The following SUGP1 variants were observed in gnomAD, a reference collection of about 807,000 sequenced individuals.
SUGP1 encodes the protein SURP and G-patch domain-containing protein 1.
Under a neutral mutation model 76.5 loss-of-function variants are expected in SUGP1, and 34 were observed. That is an observed-to-expected ratio of 0.44 (90% CI 0.34 to 0.59). The LOEUF is 0.59. Ranked by LOEUF, SUGP1 falls within the 20% of genes least tolerant of loss-of-function variation. SUGP1 has a pLI of 0.01. For missense variants in SUGP1, 752 were observed against 851.7 expected (o/e 0.88, Z 1.46); for synonymous variants, 326 against 326.2 (o/e 1.00, Z 0.01).
intron 4 of SUGP1, 163 bp from the exon 5 acceptor site, chr19:19,304,010 G>C (rs1336285905): frequency 6.3e-7 from 1 of 1,590,290 alleles, no homozygotes; most frequent in Non-Finnish European, 8.5e-7. Flanking sequence ...CCATGACGAG[G>C]GGGGAGTCGG....
At chr19:19,292,519 T>C (rs2061193296) in intron 8 of SUGP1, among the ~76,000 whole-genome samples, 1 of 151,820 alleles carries the variant, frequency 6.6e-6, no homozygotes, top group African/African-American at 2.4e-5. Context: ...CTGGCCAACA[T>C]GGTGAAACCC....
chr19:19,305,176 C>A (rs570051128), intron 4 of SUGP1, among the ~76,000 whole-genome samples: 17 of 152,360 alleles, frequency 1.1e-4, no homozygotes, highest in African/African-American at 3.8e-4. Context: ...TGTCATGGCA[C>A]AACTCCACAG....
intron 3 of SUGP1, among the ~76,000 whole-genome samples, chr19:19,308,384 T>C (rs1394217383): frequency 2.0e-5 from 3 of 152,200 alleles, no homozygotes; most frequent in African/African-American, 7.2e-5. Flanking sequence ...TTATCAGACG[T>C]CTACCAAAGG....
intron 8 of SUGP1, among the ~76,000 whole-genome samples, chr19:19,288,374 CTTATT>C (rs1195128259): frequency 2.0e-5 from 3 of 152,108 alleles, no homozygotes; most frequent in South Asian, 2.1e-4. Context: ...TTTCTTCTAG[CTTATT>C]TTATTATAAG....
chr19:19,276,857 G>A, intron 13 of SUGP1, 90 bp downstream of exon 13: 1 of 1,578,870 alleles, frequency 6.3e-7, no homozygotes, highest in Non-Finnish European at 8.6e-7. Flanking sequence ...GACCCAGCCT[G>A]GCTGGACTGA....
At position 19,276,970 on chromosome 19, in the gene SUGP1, AG is replaced by A; in HGVS notation, c.1887del (p.Tyr630ThrfsTer8). 1 of 1,613,164 alleles carries A rather than the reference AG, an allele frequency of 6.2e-7. No individual in the cohort carries two copies. The highest frequency in any genetic ancestry group is 8.5e-7 in the Non-Finnish European group (1 of 1,180,020). On this transcript the variant is annotated frameshift_variant, in exon 13 of 14. Coordinates refer to ENST00000247001, the MANE Select transcript of SUGP1 (RefSeq NM_172231.4). LOFTEE classifies it high-confidence loss of function. ...YEAFRKRMML[A>X]YRFRPNPLNN... ...ACCAGGGGGTTGGGCCGGAAGCGGT[AG>A]GCCAGCATCATCCTCTTGCGGAACG...
chr19:19,286,906 G>C (rs1476509045), intron 8 of SUGP1, among the ~76,000 whole-genome samples: 1 of 151,870 alleles, frequency 6.6e-6, no homozygotes, highest in Non-Finnish European at 1.5e-5. Flanking sequence ...AGCTGGCCGT[G>C]GTGGCACATG....
intron 1 of SUGP1, among the ~76,000 whole-genome samples, chr19:19,318,547 G>A (rs2061412048): frequency 6.6e-6 from 1 of 152,156 alleles, no homozygotes; most frequent in Admixed American, 6.6e-5. Context: ...TCCCACCTCA[G>A]CCACCCGAGT....
intron 3 of SUGP1, among the ~76,000 whole-genome samples, chr19:19,308,206 A>AT (rs1230442959): frequency 2.7e-5 from 4 of 149,904 alleles, no homozygotes; most frequent in Non-Finnish European, 4.4e-5. Flanking sequence ...AATTATTTGT[A>AT]TTTTTTTTGT....
intron 8 of SUGP1, among the ~76,000 whole-genome samples, chr19:19,284,822 G>A (rs971449165): frequency 3.3e-5 from 5 of 151,692 alleles, no homozygotes; most frequent in Admixed American, 3.3e-4. Flanking sequence ...GTTCCCAGAT[G>A]CCATTAAGAA....
chr19:19,299,412 G>A (rs771481356), intron 7 of SUGP1, among the ~76,000 whole-genome samples: 2 of 151,228 alleles, frequency 1.3e-5, no homozygotes, highest in African/African-American at 4.9e-5. Context: ...TTGCTCTGTC[G>A]CCCAGGCTGG....
intron 8 of SUGP1, among the ~76,000 whole-genome samples, chr19:19,294,167 A>T (rs2146605767): frequency 6.6e-6 from 1 of 152,090 alleles, no homozygotes; most frequent in African/African-American, 2.4e-5. Flanking sequence ...AGCCTGCGTG[A>T]CAGAGTGAGA....
chr19:19,312,769 C>T (rs1352737861), intron 2 of SUGP1, among the ~76,000 whole-genome samples: 1 of 151,874 alleles, frequency 6.6e-6, no homozygotes, highest in Non-Finnish European at 1.5e-5. Context: ...GGGTGGATCA[C>T]GTGGTCAGGA....
In SUGP1 at chr19:19,279,268, G is replaced by T. The variant is rs779486894; in HGVS notation, c.1473C>A (p.Ser491Arg). ...HGYDSDEEVD[S>R]ELGTWEHQLR... ...GCTGGTGCTCCCAGGTGCCCAGCTC[G>T]CTGTCCACCTCCTCATCACTGTCAT... Residue 491 changes from serine (S) to arginine (R), a missense_variant, in exon 10 of 14, where the codon AGC becomes AGA. Transcript: ENST00000247001. 6.2e-7 allele frequency: 1 copy of T among 1,610,246 alleles called. No homozygotes were observed. Among genetic ancestry groups the T allele is most frequent in the Admixed American group, 1.7e-5 (1 of 59,886 alleles).
At chr19:19,289,694 G>A (rs2061167013) in intron 8 of SUGP1, among the ~76,000 whole-genome samples, 1 of 152,160 alleles carries the variant, frequency 6.6e-6, no homozygotes, top group Non-Finnish European at 1.5e-5. Context: ...GTTGCAATGA[G>A]CCGAGATAGT....
chr19:19,292,646 C>T (rs909345193), intron 8 of SUGP1, among the ~76,000 whole-genome samples: 1 of 151,428 alleles, frequency 6.6e-6, no homozygotes, highest in Non-Finnish European at 1.5e-5. Context: ...GCCTGGGCAA[C>T]AAAGAGCAAA....
chr19:19,309,521 T>C (rs2061339140), intron 3 of SUGP1, among the ~76,000 whole-genome samples: 1 of 152,062 alleles, frequency 6.6e-6, no homozygotes, highest in African/African-American at 2.4e-5. Flanking sequence ...GGCTCACGCC[T>C]ATTACCCCAG....
intron 8 of SUGP1, among the ~76,000 whole-genome samples, chr19:19,289,641 G>A (rs984483411): frequency 1.3e-5 from 2 of 152,084 alleles, no homozygotes; most frequent in African/African-American, 4.8e-5. Context: ...CCAGCTACTC[G>A]GGAGACTGAG....
chr19:19,284,904 C>A (rs1599847800), intron 8 of SUGP1, among the ~76,000 whole-genome samples: 1 of 149,942 alleles, frequency 6.7e-6, no homozygotes, highest in Non-Finnish European at 1.5e-5. Flanking sequence ...GATGGAGTCT[C>A]GCTCTTTCGC....
Sources: allele counts gnomAD v4.1 joint callset (sites outside exome capture counted in the v4.1 genomes callset), GRCh38; gene constraint gnomAD v4.1.1; transcripts MANE v1.5; gene names NCBI Gene and HGNC (gene_info 2026-07-23, HGNC 2026-07-21).